Variants in GRIP1 observed in about 807,000 individuals in gnomAD.
GRIP1 encodes glutamate receptor-interacting protein 1.
A neutral mutation model predicts 129.9 loss-of-function variants in GRIP1; 45 were observed. The observed-to-expected ratio is 0.35, with a 90% CI of 0.27 to 0.44. The LOEUF (loss-of-function observed/expected upper bound fraction) is 0.44, where lower values mean the gene tolerates loss of function less well. Ranked by LOEUF, GRIP1 falls within the 20% of genes least tolerant of loss-of-function variation. The pLI is 1.00. For synonymous variants in GRIP1, 530 were observed against 520.8 expected (o/e 1.02, Z -0.24); for missense variants, 1,196 against 1,396.8 (o/e 0.86, Z 2.29).
chr12:66,462,368 T>C (rs1403641408), intron 9 of GRIP1, among the ~76,000 whole-genome samples: 3 of 152,230 alleles, frequency 2.0e-5, no homozygotes, highest in Admixed American at 1.3e-4. Flanking sequence ...TTTGCCTTCA[T>C]TGGCCTTCAT....
chr12:66,536,723 T>C (rs1390442298), intron 4 of GRIP1, among the ~76,000 whole-genome samples: 1 of 152,208 alleles, frequency 6.6e-6, no homozygotes, highest in African/African-American at 2.4e-5. Flanking sequence ...TGTATAATTA[T>C]TTATTATGGT....
At chr12:66,744,941 T>G (rs923194395) in intron 1 of GRIP1, among the ~76,000 whole-genome samples, 1 of 152,196 alleles carries the variant, frequency 6.6e-6, no homozygotes, top group Non-Finnish European at 1.5e-5. Flanking sequence ...GAATTTGGCT[T>G]CTGGTTTTAA....
intron 1 of GRIP1, among the ~76,000 whole-genome samples, chr12:66,666,706 A>G (rs978985711): frequency 1.3e-5 from 2 of 152,138 alleles, no homozygotes; most frequent in South Asian, 2.1e-4. Flanking sequence ...TCTTTCCTAG[A>G]TTACTTCTAT....
chr12:66,601,840 C>T (rs7132911), intron 1 of GRIP1, among the ~76,000 whole-genome samples: 34,245 of 152,084 alleles, frequency 0.23, 4,289 homozygotes, highest in African/African-American at 0.34. Context: ...CCCTTGAATT[C>T]AATTAAATGC....
intron 1 of GRIP1, among the ~76,000 whole-genome samples, chr12:67,062,306 T>C (rs2043549521): frequency 6.6e-6 from 1 of 152,256 alleles, no homozygotes; most frequent in Non-Finnish European, 1.5e-5. Context: ...TGAATATTTA[T>C]ATTCTATGCT....
At position 66,347,768 on chromosome 12, in the gene GRIP1, A is replaced by AT. The variant is rs2054039896; in HGVS notation, c.*1250dup. The AT allele has an allele frequency of 6.8e-6, 1 of 146,734 alleles. No individual in the cohort carries two copies. The highest frequency in any genetic ancestry group is 2.6e-5 in the African/African-American group (1 of 38,638). The allele number at this position is 146,734 out of a possible 1,614,324, so 9.1% of individuals were successfully genotyped here. Reference sequence around the variant, plus strand: ...CAAAAAGAAAGGTGATTTTTTTTTTATATTTCCTTAAACAAAGGACACAGT... The same window carrying AT: ...CAAAAAGAAAGGTGATTTTTTTTTTATTATTTCCTTAAACAAAGGACACAGT... On this transcript the variant is annotated 3_prime_UTR_variant, in exon 25 of 25. Coordinates refer to ENST00000359742, the MANE Select transcript of GRIP1 (RefSeq NM_001366722.1).
chr12:66,373,489 T>A (rs1422711629), intron 22 of GRIP1, among the ~76,000 whole-genome samples: 1 of 152,200 alleles, frequency 6.6e-6, no homozygotes, highest in Non-Finnish European at 1.5e-5. Flanking sequence ...ATAAAACTAT[T>A]GATCATGAGG....
At chr12:67,032,985 A>G (rs564170416) in intron 1 of GRIP1, among the ~76,000 whole-genome samples, 15 of 152,176 alleles carry the variant, frequency 9.9e-5, no homozygotes, top group African/African-American at 1.4e-4. Flanking sequence ...TTGAAATTCA[A>G]TGTGCATTTT....
At chr12:66,590,232 C>T (rs1229310451) in intron 2 of GRIP1, among the ~76,000 whole-genome samples, 2 of 152,080 alleles carry the variant, frequency 1.3e-5, no homozygotes, top group Non-Finnish European at 2.9e-5. Flanking sequence ...ACAGTCACCA[C>T]AAAAAAATTT....
At chr12:67,046,120 A>G (rs74098180) in intron 1 of GRIP1, among the ~76,000 whole-genome samples, 2,501 of 152,316 alleles carry the variant, frequency 0.016, 83 homozygotes, top group African/African-American at 0.057. Context: ...AACTGTAAAG[A>G]AAACAACCTG....
intron 1 of GRIP1, among the ~76,000 whole-genome samples, chr12:66,910,205 C>G (rs1047125773): frequency 6.6e-6 from 1 of 152,186 alleles, no homozygotes; most frequent in Non-Finnish European, 1.5e-5. Context: ...TTCCTTCTGT[C>G]TTTCTGGCCA....
intron 1 of GRIP1, among the ~76,000 whole-genome samples, chr12:66,692,385 T>C (rs2035011550): frequency 6.6e-6 from 1 of 152,216 alleles, no homozygotes; most frequent in African/African-American, 2.4e-5. Flanking sequence ...CCCTTCCTTT[T>C]TTGGCACTGC....
chr12:66,615,899 C>T (rs1276240258), intron 1 of GRIP1, among the ~76,000 whole-genome samples: 1 of 152,180 alleles, frequency 6.6e-6, no homozygotes, highest in Non-Finnish European at 1.5e-5. Flanking sequence ...CCCGCCTCAG[C>T]CTCCCAAAGT....
At chr12:66,464,960 T>G (rs12819913) in intron 8 of GRIP1, among the ~76,000 whole-genome samples, 1 of 142,996 alleles carries the variant, frequency 7.0e-6, no homozygotes, top group Non-Finnish European at 1.5e-5. Context: ...CTTTCTTTTT[T>G]TTTTTTTGAG....
intron 1 of GRIP1, among the ~76,000 whole-genome samples, chr12:66,994,366 A>G (rs548643063): frequency 4.6e-5 from 7 of 152,204 alleles, no homozygotes; most frequent in Non-Finnish European, 1.0e-4. Context: ...GTAACATATT[A>G]TATCAATAAA....
chr12:66,429,297 T>C (rs1314344874), intron 14 of GRIP1, among the ~76,000 whole-genome samples: 1 of 152,118 alleles, frequency 6.6e-6, no homozygotes, highest in African/African-American at 2.4e-5. Flanking sequence ...AAGAATCAAG[T>C]CCTTGCAGCA....
intron 1 of GRIP1, among the ~76,000 whole-genome samples, chr12:66,818,478 C>A (rs925293731): frequency 6.6e-5 from 10 of 152,140 alleles, no homozygotes; most frequent in African/African-American, 2.4e-4. Flanking sequence ...GTCTGAATAA[C>A]TACAATTTGC....
At chr12:66,535,350 T>G (rs1205263475) in intron 4 of GRIP1, among the ~76,000 whole-genome samples, 3 of 150,658 alleles carry the variant, frequency 2.0e-5, no homozygotes, top group Non-Finnish European at 2.9e-5. Context: ...GCAAACTGAC[T>G]CATTTAAAGT....
chr12:66,440,773 T>C (rs2058449854), intron 13 of GRIP1, among the ~76,000 whole-genome samples: 1 of 152,232 alleles, frequency 6.6e-6, no homozygotes, highest in Non-Finnish European at 1.5e-5. Flanking sequence ...CTCTGAACTT[T>C]GAGTCTCTCA....
Sources: allele counts gnomAD v4.1 joint callset (sites outside exome capture counted in the v4.1 genomes callset), GRCh38; gene constraint gnomAD v4.1.1; transcripts MANE v1.5; gene names NCBI Gene and HGNC (gene_info 2026-07-23, HGNC 2026-07-21).